HECW2: variants seen among roughly 807,000 people sequenced by gnomAD.
The protein encoded by HECW2 is E3 ubiquitin-protein ligase HECW2.
HECW2 carries 61 observed loss-of-function variants against 175.2 expected under a neutral mutation model. That is an observed-to-expected ratio of 0.35 (90% CI 0.28 to 0.43). HECW2 has a LOEUF of 0.43. Ranked by LOEUF, HECW2 falls within the 20% of genes least tolerant of loss-of-function variation. The pLI is 1.00. For missense variants in HECW2, 1,524 were observed against 2,000.5 expected (o/e 0.76, Z 4.54); for synonymous variants, 671 against 731.0 (o/e 0.92, Z 1.32).
intron 1 of HECW2, among the ~76,000 whole-genome samples, chr2:196,503,158 C>T (rs1050025197): frequency 2.0e-5 from 3 of 152,156 alleles, no homozygotes; most frequent in Non-Finnish European, 4.4e-5. Context: ...TTAGACACCC[C>T]TTGGGACTGA....
intron 5 of HECW2, among the ~76,000 whole-genome samples, 194 bp downstream of exon 5, chr2:196,329,381 A>AT (rs1692272853): frequency 6.6e-6 from 1 of 152,206 alleles, no homozygotes; most frequent in African/African-American, 2.4e-5. Flanking sequence ...TGGTAGAAGA[A>AT]ATAATTTCTG....
intron 2 of HECW2, among the ~76,000 whole-genome samples, chr2:196,376,432 C>A (rs537507070): frequency 2.5e-4 from 38 of 151,368 alleles, no homozygotes; most frequent in African/African-American, 9.0e-4. Context: ...AGTTTGAGAC[C>A]AGCCTGGCCA....
intron 1 of HECW2, among the ~76,000 whole-genome samples, chr2:196,563,508 G>A (rs374733080): frequency 8.0e-5 from 12 of 150,888 alleles, no homozygotes; most frequent in African/African-American, 3.0e-4. Flanking sequence ...GGAGGTTGTA[G>A]TGAGCCGAGA....
At chr2:196,288,792 C>T (rs999462682) in intron 14 of HECW2, 6 of 152,342 alleles carry the variant, frequency 3.9e-5, no homozygotes, top group African/African-American at 7.2e-5. Context: ...TCCTGCCAAG[C>T]CCTTGCTATC....
intron 2 of HECW2, among the ~76,000 whole-genome samples, chr2:196,387,192 T>C (rs1190976261): frequency 6.6e-6 from 1 of 152,196 alleles, no homozygotes; most frequent in Non-Finnish European, 1.5e-5. Context: ...AGGAAGACTA[T>C]AAACTGATGA....
chr2:196,348,787 A>G (rs1432377539), intron 2 of HECW2, among the ~76,000 whole-genome samples: 1 of 152,222 alleles, frequency 6.6e-6, no homozygotes, highest in African/African-American at 2.4e-5. Context: ...ATAGAATGCC[A>G]CTGGTCTTTA....
At chr2:196,370,003 T>C (rs979900000) in intron 2 of HECW2, among the ~76,000 whole-genome samples, 2 of 151,380 alleles carry the variant, frequency 1.3e-5, no homozygotes, top group Non-Finnish European at 2.9e-5. Context: ...CAGTGGGGAG[T>C]GTCCTCACCC....
At chr2:196,589,567 A>G (rs1691109577) in intron 1 of HECW2, among the ~76,000 whole-genome samples, 1 of 152,220 alleles carries the variant, frequency 6.6e-6, no homozygotes, top group Admixed American at 6.5e-5. Flanking sequence ...CTGGAGACAC[A>G]AGGGAGTACA....
chr2:196,507,263 G>A (rs1245342853), intron 1 of HECW2, among the ~76,000 whole-genome samples: 1 of 58,928 alleles, frequency 1.7e-5, no homozygotes, highest in Non-Finnish European at 3.7e-5. Context: ...CTAGACTACG[G>A]AGCATATTCA....
intron 13 of HECW2, among the ~76,000 whole-genome samples, chr2:196,297,630 C>G (rs1193299735): frequency 6.6e-6 from 1 of 152,184 alleles, no homozygotes; most frequent in Non-Finnish European, 1.5e-5. Flanking sequence ...TAGTTAAGTA[C>G]ATTACTGATA....
intron 28 of HECW2, among the ~76,000 whole-genome samples, chr2:196,210,064 G>C (rs1687219692): frequency 6.6e-6 from 1 of 152,072 alleles, no homozygotes; most frequent in Non-Finnish European, 1.5e-5. Context: ...TGCCCAGCCT[G>C]GTTTTTCTTT....
At chr2:196,592,954 C>A (rs1691261239) in intron 1 of HECW2, 1 of 151,626 alleles carries the variant, frequency 6.6e-6, no homozygotes, top group Admixed American at 6.6e-5. Context: ...CTGCTGCGGC[C>A]GCTGCCACGG....
intron 20 of HECW2, 109 bp from the exon 21 acceptor site, chr2:196,240,671 A>T: frequency 9.3e-7 from 1 of 1,070,182 alleles, no homozygotes; most frequent in Non-Finnish European, 1.3e-6. Flanking sequence ...CTAGGTAAGA[A>T]GAATGTTACT....
At chr2:196,301,099 C>T (rs1476428732) in intron 13 of HECW2, among the ~76,000 whole-genome samples, 1 of 152,162 alleles carries the variant, frequency 6.6e-6, no homozygotes, top group African/African-American at 2.4e-5. Flanking sequence ...CATCATTCAG[C>T]TCCCACTTAC....
chr2:196,463,511 G>C (rs919121766), intron 1 of HECW2, among the ~76,000 whole-genome samples: 1 of 152,024 alleles, frequency 6.6e-6, no homozygotes, highest in Non-Finnish European at 1.5e-5. Flanking sequence ...AAACTACAAG[G>C]CTGGGCTTTT....
At chr2:196,394,129 C>A (rs13391100) in intron 2 of HECW2, among the ~76,000 whole-genome samples, 27,572 of 149,386 alleles carry the variant, frequency 0.18, 3,567 homozygotes, top group African/African-American at 0.36. Context: ...GGGGAACATC[C>A]CACACTGGGG....
intron 1 of HECW2, among the ~76,000 whole-genome samples, chr2:196,526,734 G>C (rs1688665534): frequency 6.6e-6 from 1 of 151,796 alleles, no homozygotes; most frequent in Admixed American, 6.6e-5. Flanking sequence ...GGAATACCCT[G>C]CCCTGTGAGG....
chr2:196,429,845 G>C (rs1695656912), intron 2 of HECW2, among the ~76,000 whole-genome samples: 1 of 151,912 alleles, frequency 6.6e-6, no homozygotes. Context: ...GAAGGATGAG[G>C]GCCAGAAGTC....
At chr2:196,240,610 TTAAAGA>T (rs778497175) in intron 20 of HECW2, 48 bp from the exon 21 acceptor site, 1 of 1,440,206 alleles carries the variant, frequency 6.9e-7, no homozygotes, top group Non-Finnish European at 9.2e-7. Context: ...TACTATACTA[TTAAAGA>T]TAATTTACTT....
Sources: gnomAD v4.1 joint callset for allele counts (sites outside exome capture counted in the v4.1 genomes callset) on GRCh38, gnomAD v4.1.1 for gene constraint, MANE v1.5 for transcripts, NCBI Gene and HGNC (gene_info 2026-07-23, HGNC 2026-07-21) for gene names.